ETV3: variants seen among roughly 807,000 people sequenced by gnomAD.
The protein encoded by ETV3 is ETS translocation variant 3.
Under a neutral mutation model 33.0 loss-of-function variants are expected in ETV3, and 8 were observed. The ratio of observed to expected loss-of-function variants is 0.24; its 90% CI spans 0.14 to 0.44. The LOEUF is 0.44. Among genes scored for constraint, ETV3 ranks in the 20% least tolerant of loss-of-function variants. ETV3 has a pLI of 1.00. For missense variants in ETV3, 473 were observed against 652.3 expected (o/e 0.73, Z 2.99); for synonymous variants, 222 against 238.9 (o/e 0.93, Z 0.65).
chr1:157,129,852 GT>G (rs1022115718), intron 4 of ETV3, among the ~76,000 whole-genome samples: 6 of 147,730 alleles, frequency 4.1e-5, no homozygotes, highest in African/African-American at 7.4e-5. Flanking sequence ...GTTTTGTTTT[GT>G]TTTTTTTTTG....
chr1:157,127,557 T>C (rs1674870677), intron 4 of ETV3, among the ~76,000 whole-genome samples: 1 of 151,770 alleles, frequency 6.6e-6, no homozygotes, highest in Non-Finnish European at 1.5e-5. Context: ...TTTTTTTTTT[T>C]TTTTTTGAGA....
chr1:157,125,313 C>T lies in ETV3; in HGVS notation c.1067G>A (p.Arg356Gln), dbSNP rs995884247. The change falls in exon 5 of 5, where the codon CGG becomes CAG. Residue 356 changes from arginine to glutamine, a missense_variant. Arg to Gln is a conservative substitution (Grantham distance 43). Coordinates refer to ENST00000368192, the MANE Select transcript of ETV3 (RefSeq NM_001145312.3). This position sits in a 1 kb window ranked among gnomAD's most constrained non-coding sequence, Gnocchi z 4.0. Reference sequence around the variant, plus strand: ...CTCCTCGCTGCTCTCAACCCTCTCCCGGTTCTTCCGCCCAACTGGTGGGGG... The same window carrying T: ...CTCCTCGCTGCTCTCAACCCTCTCCTGGTTCTTCCGCCCAACTGGTGGGGG... ...LQPPPVGRKN[R>Q]ERVESSEESA... The T allele has an allele frequency of 5.2e-6, 8 of 1,552,008 alleles. No homozygotes were observed. The highest frequency in any genetic ancestry group is 2.0e-5 in the Admixed American group (1 of 51,006).
intron 1 of ETV3, among the ~76,000 whole-genome samples, 175 bp downstream of exon 1, chr1:157,138,141 T>A (rs1358150114): frequency 6.6e-6 from 1 of 152,166 alleles, no homozygotes; most frequent in Non-Finnish European, 1.5e-5. Flanking sequence ...CCTGGGTCCC[T>A]GTCGCCCCTC....
chr1:157,122,484 T>TATTTTTTTTC lies in ETV3; in HGVS notation c.*2356_*2357insGAAAAAAAAT, dbSNP rs1674726930. 2 of 152,032 alleles carry TATTTTTTTTC rather than the reference T, an allele frequency of 1.3e-5. No individual in the cohort carries two copies. The highest frequency in any genetic ancestry group is 1.3e-4 in the Admixed American group (2 of 15,278). 9.4% of individuals were successfully genotyped at this position (152,032 alleles called of 1,614,324 possible). A position where few individuals can be genotyped will look rare whatever the true frequency, so the allele number is the denominator to read the frequency against. ...CATGGAGTTGAACATTTTTCGAGTGTGTTTTTTTCAAGTGTAAAAGCAGTG... is the reference window on the plus strand; with the variant it reads ...CATGGAGTTGAACATTTTTCGAGTGTATTTTTTTTCGTTTTTTTCAAGTGTAAAAGCAGTG... On this transcript the variant is annotated 3_prime_UTR_variant, in exon 5 of 5. Transcript: ENST00000368192.
At position 157,121,652 on chromosome 1, in the gene ETV3, G is replaced by A. The variant is rs1674712398; in HGVS notation, c.*3189C>T. The stretch of plus-strand genomic sequence containing the variant: ...GTTGTCTTCTAAACAAAATAAAAAT[G>A]TACGTTCCATTACTGTTTACAAAAC... On this transcript the variant is annotated 3_prime_UTR_variant, in exon 5 of 5. Transcript: ENST00000368192. 6.6e-6 allele frequency: 1 copy of A among 152,172 alleles called. No homozygotes were observed. Among genetic ancestry groups the A allele is most frequent in the Non-Finnish European group, 1.5e-5 (1 of 68,032 alleles). 9.4% of individuals were successfully genotyped at this position (152,172 alleles called of 1,614,324 possible).
At chr1:157,132,479 T>C (rs1344996772) in intron 4 of ETV3, among the ~76,000 whole-genome samples, 1 of 152,208 alleles carries the variant, frequency 6.6e-6, no homozygotes, top group East Asian at 1.9e-4. Context: ...TTTCAATAGA[T>C]AAAAATGGGT....
intron 4 of ETV3, among the ~76,000 whole-genome samples, chr1:157,128,191 G>C (rs1237340668): frequency 6.6e-6 from 1 of 151,980 alleles, no homozygotes; most frequent in East Asian, 1.9e-4. Flanking sequence ...TAGCTTTCTG[G>C]GTGCATGGGA....
Position 157,125,147 on chromosome 1 carries a change from T to C in ETV3, c.1233A>G (p.Pro411=), listed in dbSNP as rs1212247801. The change falls in exon 5 of 5, where the codon CCA becomes CCG. Residue 411 remains proline, a synonymous_variant. Transcript: ENST00000368192. The surrounding 1 kb of genome is among the most constrained non-coding windows in gnomAD (Gnocchi z 4.0). ...EEHTQEEGTV[P]SRTIEEEKGT... ...CTTTTTCCTCTTCAATGGTCCTGCT[T>C]GGCACAGTGCCCTCTTCTTGAGTGT... 3 of 1,551,454 alleles carry C rather than the reference T, an allele frequency of 1.9e-6. No individual in the cohort carries two copies. The highest frequency in any genetic ancestry group is 2.6e-6 in the Non-Finnish European group (3 of 1,146,846).
chr1:157,125,927 A>G lies in ETV3; in HGVS notation c.453T>C (p.His151=). 6.4e-7 allele frequency: 1 copy of G among 1,551,756 alleles called. No individual in the cohort carries two copies. The highest frequency in any genetic ancestry group is 8.7e-7 in the Non-Finnish European group (1 of 1,146,992). ...PPVPTASSRF[H]FPPLDTHSPT... ...GAGAATGGGTGTCCAGAGGTGGGAA[A>G]TGGAACCGGGAAGAGGCTGTTGGCA... is the stretch of plus-strand genomic sequence containing the variant. Residue 151 remains histidine, a synonymous_variant, in exon 5 of 5, where the codon CAT becomes CAC. Transcript: ENST00000368192. The surrounding 1 kb of genome is among the most constrained non-coding windows in gnomAD (Gnocchi z 4.0).
intron 4 of ETV3, chr1:157,133,354 A>G: frequency 7.2e-6 from 7 of 978,550 alleles, no homozygotes; most frequent in Non-Finnish European, 8.5e-6. Flanking sequence ...GTCTTAGAAC[A>G]TATACTGCTC....
rs1674753205 is a variant in ETV3, at chr1:157,123,525, G to A, written c.*1316C>T. On this transcript the variant is annotated 3_prime_UTR_variant, in exon 5 of 5. Transcript: ENST00000368192. ...AGATGCCAACTCTCATTCATGCCAG[G>A]CCTTTTGGCATCTGGGTGCCTTCTG... 1 of 152,228 alleles carries A rather than the reference G, an allele frequency of 6.6e-6. No individual in the cohort carries two copies. The highest frequency in any genetic ancestry group is 2.4e-5 in the African/African-American group (1 of 41,456). 9.4% of individuals were successfully genotyped at this position (152,228 alleles called of 1,614,324 possible).
In ETV3 at chr1:157,124,237, CCAAA is replaced by C. The variant is rs1674769765; in HGVS notation, c.*600_*603del. The C allele has an allele frequency of 6.1e-5, 1 of 16,356 alleles. No homozygotes were observed. The highest frequency in any genetic ancestry group is 1.1e-4 in the Non-Finnish European group (1 of 8,790). 1.0% of individuals were successfully genotyped at this position (16,356 alleles called of 1,614,324 possible). A position where few individuals can be genotyped will look rare whatever the true frequency, so the allele number is the denominator to read the frequency against. On this transcript the variant is annotated 3_prime_UTR_variant, in exon 5 of 5. Coordinates refer to ENST00000368192, the MANE Select transcript of ETV3 (RefSeq NM_001145312.3). ...AGAAAAAAATGCCAAACAACACCAA[CCAAA>C]AAAAAAAAAAAAAAAAAAAGAAGGA...
rs1326463497 is a variant in ETV3 at position 157,136,311 on chromosome 1, A to G, written c.42T>C (p.Gly14=). ...GCSIVEKPEG[G]GGYQFPDWAY... ...AGATGATTAACTTCTGCTCACCTCCACCTCCTTCTGGCTTTTCCACGATGC... is the reference window on the plus strand; with the variant it reads ...AGATGATTAACTTCTGCTCACCTCCGCCTCCTTCTGGCTTTTCCACGATGC... Residue 14 remains glycine, a synonymous_variant, in exon 2 of 5, where the codon GGT becomes GGC. Coordinates refer to ENST00000368192, the MANE Select transcript of ETV3 (RefSeq NM_001145312.3). 3.1e-6 allele frequency: 5 copies of G among 1,611,066 alleles called. No individual in the cohort carries two copies. In the East Asian group the frequency reaches 6.7e-5, roughly 22 times the overall value.
At chr1:157,130,089 A>C (rs1571698899) in intron 4 of ETV3, among the ~76,000 whole-genome samples, 1 of 151,996 alleles carries the variant, frequency 6.6e-6, no homozygotes, top group Non-Finnish European at 1.5e-5. Flanking sequence ...TGATCCGCCC[A>C]CCTCCGCCTC....
intron 4 of ETV3, among the ~76,000 whole-genome samples, chr1:157,131,772 C>T (rs759201949): frequency 6.6e-5 from 10 of 152,298 alleles, no homozygotes; most frequent in Middle Eastern, 3.4e-3. Flanking sequence ...AGCAAAAGTA[C>T]CTCCATAAAG....
At chr1:157,134,083 A>G in intron 4 of ETV3, 29 bp downstream of exon 4, 1 of 1,596,304 alleles carries the variant, frequency 6.3e-7, no homozygotes, top group South Asian at 1.2e-5. Context: ...TTCAAAATTA[A>G]TTCCCTACCA....
At chr1:157,137,534 AC>A (rs1675149217) in intron 1 of ETV3, among the ~76,000 whole-genome samples, 2 of 148,732 alleles carry the variant, frequency 1.3e-5, no homozygotes, top group Admixed American at 1.3e-4. Context: ...ACACACACAC[AC>A]ACACACTCTC....
chr1:157,135,753 A>G, intron 2 of ETV3, 45 bp from the exon 3 acceptor site: 2 of 1,589,564 alleles, frequency 1.3e-6, no homozygotes, highest in South Asian at 2.2e-5. Flanking sequence ...AGAGGTAGGT[A>G]CATACATACC....
chr1:157,127,727 A>C (rs1010844182), intron 4 of ETV3, among the ~76,000 whole-genome samples: 2 of 151,850 alleles, frequency 1.3e-5, no homozygotes, highest in Admixed American at 1.3e-4. Flanking sequence ...TGTTATTTTT[A>C]GTAGAGACTG....
Sources: allele counts gnomAD v4.1 joint callset (sites outside exome capture counted in the v4.1 genomes callset), GRCh38; gene constraint gnomAD v4.1.1; non-coding constraint Gnocchi (gnomAD v3.1); transcripts MANE v1.5; gene names NCBI Gene and HGNC (gene_info 2026-07-23, HGNC 2026-07-21).